ZNF208: variants seen among roughly 807,000 people sequenced by gnomAD.
ZNF208 encodes zinc finger protein 95.
A neutral mutation model predicts 12.1 loss-of-function variants in ZNF208; 10 were observed. The ratio of observed to expected loss-of-function variants is 0.83; its 90% CI spans 0.51 to 1.40. The LOEUF (loss-of-function observed/expected upper bound fraction) is 1.40, where lower values mean the gene tolerates loss of function less well. Ranked by LOEUF, ZNF208 falls within the 40% of genes most tolerant of loss-of-function variation. ZNF208 has a pLI of 0.00. For synonymous variants in ZNF208, 497 were observed against 488.4 expected (o/e 1.02, Z -0.23); for missense variants, 1,652 against 1,485.0 (o/e 1.11, Z -1.85).
chr19:21,984,235 A>G (rs1441551954), intron 3 of ZNF208, among the ~76,000 whole-genome samples: 2 of 152,174 alleles, frequency 1.3e-5, no homozygotes, highest in Non-Finnish European at 2.9e-5. Flanking sequence ...ATGCCAGTAT[A>G]CAACAAAAAT....
rs549103041 is a variant in ZNF208, at chr19:21,979,884, T to G, written c.227-5077A>C. On this transcript the variant is annotated intron_variant, in intron 3 of 3. Coordinates refer to ENST00000397126, the MANE Select transcript of ZNF208 (RefSeq NM_007153.3). The stretch of plus-strand genomic sequence containing the variant: ...TCAAAATAAAGTTATGGAGGAATAT[T>G]TACCAAGCAAATGGAAAGCAAAAGA... 3.3e-5 allele frequency among the ~76,000 whole-genome samples: 5 copies of G among 152,144 alleles called. No homozygotes were observed. In the South Asian group the frequency reaches 1.0e-3, roughly 32 times the overall value.
intron 3 of ZNF208, among the ~76,000 whole-genome samples, chr19:21,976,864 T>A (rs1374698854): frequency 6.6e-6 from 1 of 151,810 alleles, no homozygotes; most frequent in Non-Finnish European, 1.5e-5. Context: ...CCCAGGCTAT[T>A]AAAAAATTTT....
In ZNF208 at chr19:21,974,422, T is replaced by C. The variant is rs1455645692; in HGVS notation, c.612A>G (p.Glu204=). ...IYTRENSYKC[E]EGGKAFNWSS... ...ACCAGTTAAAAGCTTTGCCACCTTC[T>C]TCACATTTGTAGGAATTCTCTCTAG... Residue 204 remains glutamate (E), a synonymous_variant, in exon 4 of 4, where the codon GAA becomes GAG. Transcript: ENST00000397126. The C allele has an allele frequency of 1.2e-6, 2 of 1,613,746 alleles. No individual in the cohort carries two copies. Among genetic ancestry groups the C allele is most frequent in the Non-Finnish European group, 1.7e-6 (2 of 1,179,830 alleles).
At position 22,001,767 on chromosome 19, in the gene ZNF208, C is replaced by T. The variant is rs149349853; in HGVS notation, c.3+9025G>A. 7.5e-4 allele frequency among the ~76,000 whole-genome samples: 113 copies of T among 151,642 alleles called. 1 individual carries two copies. The East Asian group carries it at 0.021, about 28-fold the overall frequency. ...AATTAGCTGGGCATGGTAGCACACACCTGTAATCCCAGCTACTCAAGAGGC... is the reference window on the plus strand; with the variant it reads ...AATTAGCTGGGCATGGTAGCACACATCTGTAATCCCAGCTACTCAAGAGGC... On this transcript the variant is annotated intron_variant, in intron 1 of 3. Coordinates refer to ENST00000397126, the MANE Select transcript of ZNF208 (RefSeq NM_007153.3).
At chr19:21,959,262 T>A (rs1970025572) in intron 4 of ZNF208, among the ~76,000 whole-genome samples, 1 of 152,218 alleles carries the variant, frequency 6.6e-6, no homozygotes, top group South Asian at 2.1e-4. Flanking sequence ...ACAAAATCAT[T>A]CTGGGTATGT....
rs10412331 is a variant in ZNF208 at position 21,967,560 on chromosome 19, C to T, written c.*3631G>A. The T allele has an allele frequency of 0.62, 93,740 of 151,796 alleles. 29,664 individuals carry two copies. Among genetic ancestry groups the T allele is most frequent in the African/African-American group, 0.74 (30,692 of 41,414 alleles). The allele number at this position is 151,796 out of a possible 1,614,324, so 9.4% of individuals were successfully genotyped here. On this transcript the variant is annotated 3_prime_UTR_variant, in exon 4 of 4. Transcript: ENST00000397126. ...ACCACCACACCTGGCTAATTTTTTACATTTAGTAGAGATGCAGGTTTCACC... is the reference window on the plus strand; with the variant it reads ...ACCACCACACCTGGCTAATTTTTTATATTTAGTAGAGATGCAGGTTTCACC...
downstream of ZNF208, among the ~76,000 whole-genome samples, chr19:21,961,649 CA>C (rs1422908616): frequency 6.6e-6 from 1 of 152,038 alleles, no homozygotes; most frequent in African/African-American, 2.4e-5. Flanking sequence ...CAGACACTCC[CA>C]GAGCGGCTGT....
At chr19:21,966,090 T>G (rs1395517252), downstream of ZNF208, 1 of 137,556 alleles carries the variant, frequency 7.3e-6, no homozygotes, top group Non-Finnish European at 1.5e-5. Context: ...AAATAGAACA[T>G]GTCATTATAC....
At chr19:21,954,485 C>G (rs1427979314) in intron 4 of ZNF208, among the ~76,000 whole-genome samples, 5 of 152,152 alleles carry the variant, frequency 3.3e-5, no homozygotes, top group African/African-American at 9.7e-5. Flanking sequence ...CTTTGTAGGT[C>G]TCTAAGGACT....
At position 21,971,616 on chromosome 19, in the gene ZNF208, G is replaced by A. The variant is rs748641809; in HGVS notation, c.3418C>T (p.Pro1140Ser). ...TTGCCACATTCTTCACATTTGTAGG[G>A]TTTCTCTCCAGTATGAATTACCTTA... is the stretch of plus-strand genomic sequence containing the variant. ...KHKVIHTGEK[P>S]YKCEECGKAY... Residue 1140 changes from proline (P) to serine (S), a missense_variant, in exon 4 of 4, where the codon CCC (proline) becomes TCC (serine). This residue lies in a region of ZNF208 where 1,239 missense variants were observed against 1,086.2 expected (regional missense o/e 1.14). Coordinates refer to ENST00000397126, the MANE Select transcript of ZNF208 (RefSeq NM_007153.3). 8 of 1,612,302 alleles carry A rather than the reference G, an allele frequency of 5.0e-6. No individual in the cohort carries two copies. Among genetic ancestry groups the A allele is most frequent in the African/African-American group, 2.7e-5 (2 of 74,832 alleles).
In ZNF208 at chr19:21,999,936, A is replaced by T. The variant is rs1970913284; in HGVS notation, c.3+10856T>A. Among the ~76,000 whole-genome samples, 3 of 152,218 alleles carry T rather than the reference A, an allele frequency of 2.0e-5. No individual in the cohort carries two copies. The South Asian group carries it at 6.2e-4, about 32-fold the overall frequency. ...TGTCTTACAACAGCCAGGTCTCTGG[A>T]CAAGTTCTTGAACTCTTGGACATCT... On this transcript the variant is annotated intron_variant, in intron 1 of 3. Transcript: ENST00000397126.
At chr19:21,985,186 G>A (rs1970612775) in intron 3 of ZNF208, among the ~76,000 whole-genome samples, 1 of 152,154 alleles carries the variant, frequency 6.6e-6, no homozygotes, top group Admixed American at 6.6e-5. Context: ...GAGATATAAA[G>A]CATTTAAACT....
At chr19:21,943,154 A>G (rs529240080) in intron 4 of ZNF208, among the ~76,000 whole-genome samples, 1 of 152,344 alleles carries the variant, frequency 6.6e-6, no homozygotes, top group East Asian at 1.9e-4. Context: ...ATGCAGTAGT[A>G]ATAAGTGTAG....
intron 1 of ZNF208, among the ~76,000 whole-genome samples, 169 bp downstream of exon 1, chr19:22,010,623 G>A (rs1167010747): frequency 6.6e-6 from 1 of 152,220 alleles, no homozygotes. Flanking sequence ...CCGGGTGTCA[G>A]CGCAGCCTCC....
intron 4 of ZNF208, among the ~76,000 whole-genome samples, chr19:21,952,740 TA>T (rs1969910821): frequency 6.6e-6 from 1 of 152,178 alleles, no homozygotes; most frequent in South Asian, 2.1e-4. Context: ...CTGAAAATTC[TA>T]AAAACCAGGG....
At chr19:21,962,932 A>T (rs2145530474), downstream of ZNF208, among the ~76,000 whole-genome samples, 1 of 152,230 alleles carries the variant, frequency 6.6e-6, no homozygotes, top group South Asian at 2.1e-4. Flanking sequence ...TGTCAATAGA[A>T]ACAATAATAT....
intron 1 of ZNF208, among the ~76,000 whole-genome samples, chr19:22,004,864 T>C (rs1371757760): frequency 1.3e-5 from 2 of 152,150 alleles, no homozygotes; most frequent in Non-Finnish European, 2.9e-5. Context: ...TCCCATGACA[T>C]AATTTTAGCT....
chr19:21,951,743 G>A (rs1238865989), intron 4 of ZNF208, among the ~76,000 whole-genome samples: 1 of 152,212 alleles, frequency 6.6e-6, no homozygotes, highest in African/African-American at 2.4e-5. Context: ...AGAAGATGAT[G>A]GGTGATTTCT....
intron 3 of ZNF208, among the ~76,000 whole-genome samples, chr19:21,985,186 G>C (rs1970612775): frequency 6.6e-6 from 1 of 152,154 alleles, no homozygotes; most frequent in African/African-American, 2.4e-5. Flanking sequence ...GAGATATAAA[G>C]CATTTAAACT....
Sources: allele counts gnomAD v4.1 joint callset (sites outside exome capture counted in the v4.1 genomes callset), GRCh38; gene constraint gnomAD v4.1.1; regional missense constraint gnomAD v4.1.1; transcripts MANE v1.5; gene names NCBI Gene and HGNC (gene_info 2026-07-23, HGNC 2026-07-21).